Variants in RORA observed in about 807,000 individuals in gnomAD.
RORA encodes the protein RAR related orphan receptor A.
Under a neutral mutation model 69.5 loss-of-function variants are expected in RORA, and 7 were observed. That is an observed-to-expected ratio of 0.10 (90% CI 0.06 to 0.19). The LOEUF is 0.19. Among genes scored for constraint, RORA ranks in the 10% least tolerant of loss-of-function variants. RORA has a pLI of 1.00. For missense variants in RORA, 457 were observed against 663.0 expected (o/e 0.69, Z 3.41); for synonymous variants, 261 against 240.8 (o/e 1.08, Z -0.78).
intron 1 of RORA, among the ~76,000 whole-genome samples, chr15:60,703,274 G>C (rs1466679043): frequency 6.6e-6 from 1 of 152,140 alleles, no homozygotes; most frequent in Non-Finnish European, 1.5e-5. Flanking sequence ...GCAGGGTTAA[G>C]GGCTTTACCC....
At chr15:60,640,749 G>A (rs1203629467) in intron 2 of RORA, among the ~76,000 whole-genome samples, 3 of 151,788 alleles carry the variant, frequency 2.0e-5, no homozygotes, top group Non-Finnish European at 2.9e-5. Context: ...AGATTCTCCT[G>A]TGCTTGAAAC....
intron 3 of RORA, among the ~76,000 whole-genome samples, chr15:60,517,033 T>C (rs2065983198): frequency 6.7e-6 from 1 of 149,736 alleles, no homozygotes; most frequent in Non-Finnish European, 1.5e-5. Context: ...AAAGAAGATT[T>C]GGAAAATTAT....
chr15:60,750,751 A>AAATATTT (rs1384567199), intron 1 of RORA, among the ~76,000 whole-genome samples: 1 of 152,226 alleles, frequency 6.6e-6, no homozygotes. Flanking sequence ...TTCACTTAAA[A>AAATATTT]AATATTTGTA....
At chr15:61,202,286 A>C (rs1402463600) in intron 1 of RORA, among the ~76,000 whole-genome samples, 1 of 152,176 alleles carries the variant, frequency 6.6e-6, no homozygotes, top group African/African-American at 2.4e-5. Flanking sequence ...CTGGGATTAC[A>C]GGCATGAGAC....
chr15:60,701,179 A>G (rs774067809), intron 1 of RORA, among the ~76,000 whole-genome samples: 1 of 152,200 alleles, frequency 6.6e-6, no homozygotes, highest in Non-Finnish European at 1.5e-5. Context: ...AATTAAGTAC[A>G]CGGACAATAT....
intron 1 of RORA, among the ~76,000 whole-genome samples, chr15:60,819,761 A>ACACACACACACACACGCGCG (rs1208897607): frequency 4.3e-5 from 6 of 138,034 alleles, no homozygotes; most frequent in African/African-American, 1.6e-4. Flanking sequence ...ACACACACAC[A>ACACACACACACACACGCGCG]CACACACACA....
chr15:61,219,531 C>G (rs972897450), intron 1 of RORA, among the ~76,000 whole-genome samples: 1 of 152,046 alleles, frequency 6.6e-6, no homozygotes, highest in Admixed American at 6.5e-5. Flanking sequence ...GCAGACATCA[C>G]GCCACTGCAC....
chr15:60,666,760 G>A (rs978488313), intron 2 of RORA, among the ~76,000 whole-genome samples: 3 of 152,112 alleles, frequency 2.0e-5, no homozygotes, highest in Non-Finnish European at 4.4e-5. Flanking sequence ...GAATCTCCTG[G>A]GAACAGATCA....
chr15:61,218,167 T>C (rs2080058296), intron 1 of RORA, among the ~76,000 whole-genome samples: 1 of 137,182 alleles, frequency 7.3e-6, no homozygotes, highest in Non-Finnish European at 1.5e-5. Flanking sequence ...ATATTTTACA[T>C]GAAATGTTTG....
chr15:61,148,696 G>T (rs2079372223), intron 1 of RORA, among the ~76,000 whole-genome samples: 1 of 152,116 alleles, frequency 6.6e-6, no homozygotes. Flanking sequence ...TTAGAAAGTG[G>T]AGCAGATAAT....
At chr15:60,946,100 A>C (rs983415302) in intron 1 of RORA, among the ~76,000 whole-genome samples, 24 of 152,166 alleles carry the variant, frequency 1.6e-4, no homozygotes, top group Non-Finnish European at 4.4e-5. Context: ...CACCTTTCTG[A>C]ATCAAAGATA....
chr15:60,974,687 A>T (rs1893826824), intron 1 of RORA, among the ~76,000 whole-genome samples: 2 of 152,188 alleles, frequency 1.3e-5, no homozygotes, highest in African/African-American at 2.4e-5. Context: ...AGAAATCCCA[A>T]ACAAGGCCCC....
Position 60,669,933 on chromosome 15 carries a change from A to G in RORA, c.196+8724T>C, listed in dbSNP as rs576476976. Among the ~76,000 whole-genome samples the G allele has an allele frequency of 9.8e-5, 15 of 152,342 alleles. No individual in the cohort carries two copies. The East Asian group carries it at 2.9e-3, about 29-fold the overall frequency. Reference sequence around the variant, plus strand: ...TATAAGTTAGATTACCTATACTGCAATGTGCCTTACACAATGTTAGGCACA... The same window carrying G: ...TATAAGTTAGATTACCTATACTGCAGTGTGCCTTACACAATGTTAGGCACA... On this transcript the variant is annotated intron_variant, in intron 2 of 10. Transcript: ENST00000335670.
At chr15:60,823,001 C>T (rs934632057) in intron 1 of RORA, among the ~76,000 whole-genome samples, 14 of 151,468 alleles carry the variant, frequency 9.2e-5, no homozygotes, top group Admixed American at 8.6e-4. Flanking sequence ...TTCTTTTCTT[C>T]CATCCTTTCT....
chr15:60,701,901 C>G (rs905730788), intron 1 of RORA, among the ~76,000 whole-genome samples: 2 of 152,208 alleles, frequency 1.3e-5, no homozygotes, highest in African/African-American at 4.8e-5. Flanking sequence ...TGTAAGACAA[C>G]AGCAACTTCT....
At chr15:61,192,947 A>T (rs936810689) in intron 1 of RORA, among the ~76,000 whole-genome samples, 19 of 151,524 alleles carry the variant, frequency 1.3e-4, no homozygotes, top group Non-Finnish European at 1.9e-4. Flanking sequence ...TGCACATACT[A>T]GTTGTTGCTA....
At chr15:60,950,635 A>G (rs894093571) in intron 1 of RORA, among the ~76,000 whole-genome samples, 2 of 107,882 alleles carry the variant, frequency 1.9e-5, no homozygotes, top group Non-Finnish European at 3.7e-5. Flanking sequence ...CAGGGGTTGC[A>G]ATCCTAGTCT....
At chr15:60,627,926 A>G (rs1441352279) in intron 2 of RORA, among the ~76,000 whole-genome samples, 1 of 152,228 alleles carries the variant, frequency 6.6e-6, no homozygotes, top group Non-Finnish European at 1.5e-5. Context: ...CTCCTGGAGT[A>G]TAAGCTTATA....
At chr15:61,051,506 C>A (rs567953786) in intron 1 of RORA, among the ~76,000 whole-genome samples, 1 of 152,152 alleles carries the variant, frequency 6.6e-6, no homozygotes, top group Non-Finnish European at 1.5e-5. Flanking sequence ...TGATCCCCTG[C>A]GAAAAGAATC....
Sources: allele counts gnomAD v4.1 joint callset (sites outside exome capture counted in the v4.1 genomes callset), GRCh38; gene constraint gnomAD v4.1.1; transcripts MANE v1.5; gene names NCBI Gene and HGNC (gene_info 2026-07-23, HGNC 2026-07-21).